Variants in EDNRA observed in about 807,000 individuals in gnomAD.
EDNRA encodes the protein endothelin receptor type A.
EDNRA carries 11 observed loss-of-function variants against 41.4 expected under a neutral mutation model. The ratio of observed to expected loss-of-function variants is 0.27; its 90% CI spans 0.17 to 0.44. The LOEUF is 0.44. EDNRA is among the 20% of genes least tolerant of loss of function. The probability of loss-of-function intolerance (pLI) is 1.00; values close to 1 mark genes in which losing one functional copy is unlikely to be tolerated. For missense variants in EDNRA, 294 were observed against 531.0 expected, an observed-to-expected ratio of 0.55 and a Z score of 4.39; for synonymous variants, 172 against 183.0, an observed-to-expected ratio of 0.94 and a Z score of 0.49.
rs530706921 is a variant in EDNRA, at chr4:147,504,985, T to C, written c.421-14866T>C. On this transcript the variant is annotated intron_variant, in intron 2 of 7. Transcript: ENST00000651419. ...AAAAAAAAAAAAAAAAAAGGATTCA[T>C]ATCTAGAATATACAGAGAATTCTCA... Among the ~76,000 whole-genome samples the C allele has an allele frequency of 1.1e-3, 94 of 86,746 alleles. 1 individual carries two copies. The highest frequency in any genetic ancestry group is 2.9e-4 in the Non-Finnish European group (13 of 45,020). The allele number at this position is 86,746 out of a possible 152,430, so 56.9% of individuals were successfully genotyped here.
rs397945332 is a variant in EDNRA at position 147,525,608 on chromosome 4, A to AAAAAAG, written c.548+5630_548+5631insAAAAAG. Among the ~76,000 whole-genome samples, 8 of 149,792 alleles carry AAAAAAG rather than the reference A, an allele frequency of 5.3e-5. No homozygotes were observed. In the East Asian group the frequency reaches 1.6e-3, roughly 29 times the overall value. ...TTTGTTTGGAGGCAAAAAAAAAAAA[A>AAAAAAG]GCAGCAGCAGGAGAGGGGTAGGAGG... On this transcript the variant is annotated intron_variant, in intron 3 of 7. Transcript: ENST00000651419.
intron 2 of EDNRA, among the ~76,000 whole-genome samples, chr4:147,502,796 C>T (rs1379097794): frequency 5.3e-5 from 8 of 152,028 alleles, no homozygotes; most frequent in Non-Finnish European, 1.0e-4. Flanking sequence ...ATGTCTGTAG[C>T]TTTTTTGGAA....
At chr4:147,501,413 T>G (rs962591911) in intron 2 of EDNRA, among the ~76,000 whole-genome samples, 1 of 152,204 alleles carries the variant, frequency 6.6e-6, no homozygotes, top group Non-Finnish European at 1.5e-5. Context: ...TTTCATGTTT[T>G]GAATAGGGAA....
chr4:147,532,820 T>C, intron 4 of EDNRA, 116 bp downstream of exon 4: 2 of 1,038,740 alleles, frequency 1.9e-6, no homozygotes, highest in East Asian at 4.9e-5. Context: ...TTCTGTCAAA[T>C]ATTCCTCAGT....
intron 4 of EDNRA, among the ~76,000 whole-genome samples, chr4:147,534,589 A>G (rs2126478326): frequency 6.6e-6 from 1 of 152,322 alleles, no homozygotes; most frequent in East Asian, 1.9e-4. Flanking sequence ...ACATTTTCAT[A>G]CGATATAACA....
chr4:147,517,911 T>G (rs189733917), intron 2 of EDNRA, among the ~76,000 whole-genome samples: 14 of 152,272 alleles, frequency 9.2e-5, no homozygotes, highest in African/African-American at 2.6e-4. Context: ...TTCTTAGCAC[T>G]TGCCACTGAG....
chr4:147,542,394 T>G (rs928874104), intron 7 of EDNRA, 84 bp from the exon 8 acceptor site: 25 of 1,570,902 alleles, frequency 1.6e-5, no homozygotes, highest in Non-Finnish European at 2.1e-5. Flanking sequence ...CATTTGCCCC[T>G]CATTAGCATG....
At chr4:147,505,327 ATTTTTT>A (rs869077171) in intron 2 of EDNRA, among the ~76,000 whole-genome samples, 1,040 of 79,596 alleles carry the variant, frequency 0.013, 13 homozygotes, top group African/African-American at 0.047. Context: ...TTCTTTTTTC[ATTTTTT>A]TTTTTTTTTT....
chr4:147,530,306 G>A (rs1230608488), intron 3 of EDNRA, among the ~76,000 whole-genome samples: 2 of 152,170 alleles, frequency 1.3e-5, no homozygotes, highest in African/African-American at 4.8e-5. Flanking sequence ...ACAGCCTTGG[G>A]ATATAGACAT....
chr4:147,512,235 G>C (rs1729955592), intron 2 of EDNRA, among the ~76,000 whole-genome samples: 1 of 152,182 alleles, frequency 6.6e-6, no homozygotes, highest in Admixed American at 6.5e-5. Flanking sequence ...TATTCCTCTT[G>C]ATTCCCAGGC....
chr4:147,507,180 A>G (rs549270973), intron 2 of EDNRA, among the ~76,000 whole-genome samples: 2 of 151,386 alleles, frequency 1.3e-5, no homozygotes, highest in South Asian at 4.2e-4. Context: ...AATTCTTAAA[A>G]GGAATAAAAA....
At chr4:147,501,527 C>T (rs529668367) in intron 2 of EDNRA, among the ~76,000 whole-genome samples, 5 of 152,328 alleles carry the variant, frequency 3.3e-5, no homozygotes, top group African/African-American at 7.2e-5. Context: ...CTCCCACCCT[C>T]TATAGCGAAT....
rs530116169 is a variant in EDNRA at position 147,485,376 on chromosome 4, G to A, written c.-70-236G>A. 1.2e-4 allele frequency among the ~76,000 whole-genome samples: 18 copies of A among 152,304 alleles called. No individual in the cohort carries two copies. In the South Asian group the frequency reaches 3.7e-3, roughly 32 times the overall value. ...CAGAGACAGAGACGGAGATGACAGAGATGATGGAGATGATGGAGATGGAGA... is the reference window on the plus strand; with the variant it reads ...CAGAGACAGAGACGGAGATGACAGAAATGATGGAGATGATGGAGATGGAGA... On this transcript the variant is annotated intron_variant, in intron 1 of 7. Coordinates refer to ENST00000651419, the MANE Select transcript of EDNRA (RefSeq NM_001957.4).
At chr4:147,510,380 C>T (rs575641245) in intron 2 of EDNRA, among the ~76,000 whole-genome samples, 52 of 152,274 alleles carry the variant, frequency 3.4e-4, no homozygotes, top group African/African-American at 1.2e-3. Flanking sequence ...ATATATCAAA[C>T]TTCAAGACTA....
chr4:147,518,414 T>G (rs1018174512), intron 2 of EDNRA, among the ~76,000 whole-genome samples: 2 of 152,154 alleles, frequency 1.3e-5, no homozygotes, highest in African/African-American at 4.8e-5. Flanking sequence ...CTGTTTATAG[T>G]GAGATGAAGA....
chr4:147,523,365 C>A (rs1035368902), intron 3 of EDNRA, among the ~76,000 whole-genome samples: 3 of 151,928 alleles, frequency 2.0e-5, no homozygotes, highest in African/African-American at 7.3e-5. Context: ...ACTTCTATTT[C>A]TTTCAGGGCC....
chr4:147,508,302 CT>C (rs1355917450), intron 2 of EDNRA, among the ~76,000 whole-genome samples: 1 of 152,142 alleles, frequency 6.6e-6, no homozygotes, highest in Non-Finnish European at 1.5e-5. Context: ...CCACGCCTGG[CT>C]AATTTTTGTA....
At chr4:147,506,207 T>G in intron 2 of EDNRA, 2 of 523,654 alleles carry the variant, frequency 3.8e-6, no homozygotes, top group South Asian at 1.4e-5. Flanking sequence ...TGAATGAAGA[T>G]CTTGCAAATA....
chr4:147,532,085 G>C (rs1730762345), intron 3 of EDNRA, among the ~76,000 whole-genome samples: 1 of 148,222 alleles, frequency 6.7e-6, no homozygotes, highest in African/African-American at 2.5e-5. Flanking sequence ...GGCCGAGGCA[G>C]ACGGATCACG....
Sources: gnomAD v4.1 joint callset for allele counts (sites outside exome capture counted in the v4.1 genomes callset) on GRCh38, gnomAD v4.1.1 for gene constraint, MANE v1.5 for transcripts, NCBI Gene and HGNC (gene_info 2026-07-23, HGNC 2026-07-21) for gene names.